QTMAN: variants seen among roughly 807,000 people sequenced by gnomAD.
The protein encoded by QTMAN is tRNA-queuosine alpha-mannosyltransferase.
the QTMAN span, among the ~76,000 whole-genome samples, chr2:144,218,547 A>G: frequency 6.6e-6 from 1 of 152,218 alleles, no homozygotes; most frequent in Non-Finnish European, 1.5e-5. Flanking sequence ...TACACACCAA[A>G]TGAGTTTAAA....
At chr2:144,310,030 A>G in the QTMAN span, among the ~76,000 whole-genome samples, 1 of 41,466 alleles carries the variant, frequency 2.4e-5, no homozygotes, top group African/African-American at 9.6e-5. Context: ...GGTCATAAAA[A>G]GTAAAGCAAA....
chr2:144,209,727 T>C, the QTMAN span, among the ~76,000 whole-genome samples: 7 of 152,214 alleles, frequency 4.6e-5, no homozygotes, highest in Non-Finnish European at 1.0e-4. Context: ...CATCTCAAAT[T>C]ATATGTTATT....
chr2:144,187,968 A>C, the QTMAN span, among the ~76,000 whole-genome samples: 1 of 152,180 alleles, frequency 6.6e-6, no homozygotes, highest in Non-Finnish European at 1.5e-5. Flanking sequence ...ACAGAGGTAG[A>C]GACTGGAGTG....
the QTMAN span, among the ~76,000 whole-genome samples, chr2:144,224,940 G>C: frequency 1.3e-5 from 2 of 152,088 alleles, no homozygotes; most frequent in Non-Finnish European, 2.9e-5. Context: ...GTCTCAAAGA[G>C]GGACCAATAG....
chr2:144,294,243 C>A, the QTMAN span: 1 of 152,158 alleles, frequency 6.6e-6, no homozygotes, highest in African/African-American at 2.4e-5. Context: ...AGTGTTCACT[C>A]TGAACTCTTT....
At chr2:144,020,026 T>C in the QTMAN span, among the ~76,000 whole-genome samples, 2 of 152,186 alleles carry the variant, frequency 1.3e-5, no homozygotes, top group Non-Finnish European at 2.9e-5. Context: ...CTGATATGAA[T>C]GGACAGCCAG....
At chr2:144,141,048 GGA>G in the QTMAN span, among the ~76,000 whole-genome samples, 3 of 151,998 alleles carry the variant, frequency 2.0e-5, no homozygotes, top group Admixed American at 1.3e-4. Context: ...TAGCATGTAT[GGA>G]TATTAAATCA....
the QTMAN span, among the ~76,000 whole-genome samples, chr2:144,198,703 A>G: frequency 6.6e-6 from 1 of 152,162 alleles, no homozygotes; most frequent in African/African-American, 2.4e-5. Context: ...GTATCGCACA[A>G]AAGAGTCCAG....
the QTMAN span, among the ~76,000 whole-genome samples, chr2:144,143,219 A>G: frequency 6.6e-6 from 1 of 151,998 alleles, no homozygotes. Flanking sequence ...TAATGGGTTT[A>G]CCAGGCTGTA....
the QTMAN span, among the ~76,000 whole-genome samples, chr2:144,265,667 G>A: frequency 6.6e-6 from 1 of 152,140 alleles, no homozygotes; most frequent in Non-Finnish European, 1.5e-5. Context: ...TTGCACTCCA[G>A]CCTGGCAACA....
At chr2:144,088,301 C>T in the QTMAN span, among the ~76,000 whole-genome samples, 92 of 151,980 alleles carry the variant, frequency 6.1e-4, no homozygotes, top group African/African-American at 2.1e-3. Context: ...CTACAAAACA[C>T]TGATAAAAGA....
At chr2:144,118,225 T>C in the QTMAN span, among the ~76,000 whole-genome samples, 1 of 152,194 alleles carries the variant, frequency 6.6e-6, no homozygotes, top group Non-Finnish European at 1.5e-5. Flanking sequence ...TCTTTCAACA[T>C]TTGTATCAGC....
the QTMAN span, among the ~76,000 whole-genome samples, chr2:144,217,255 G>A: frequency 7.2e-5 from 11 of 151,892 alleles, no homozygotes; most frequent in East Asian, 1.9e-4. Context: ...AAAGAATATC[G>A]GCATCATAGA....
the QTMAN span, among the ~76,000 whole-genome samples, chr2:144,116,836 T>C: frequency 1.3e-5 from 2 of 152,206 alleles, no homozygotes; most frequent in African/African-American, 4.8e-5. Context: ...AACTGTAGTT[T>C]AGAGCAGCGA....
At chr2:144,103,659 A>G in the QTMAN span, among the ~76,000 whole-genome samples, 14 of 152,326 alleles carry the variant, frequency 9.2e-5, no homozygotes, top group African/African-American at 3.4e-4. Flanking sequence ...AATAAAACAA[A>G]ATAAAATAAA....
chr2:144,130,603 C>T, the QTMAN span, among the ~76,000 whole-genome samples: 1 of 151,834 alleles, frequency 6.6e-6, no homozygotes, highest in Non-Finnish European at 1.5e-5. Context: ...ATAATAACAA[C>T]AATCATTTAT....
At chr2:144,311,448 G>A in the QTMAN span, among the ~76,000 whole-genome samples, 1 of 152,156 alleles carries the variant, frequency 6.6e-6, no homozygotes, top group Non-Finnish European at 1.5e-5. Context: ...GCTCATAAAG[G>A]AAGACACATT....
chr2:144,060,692 T>C, the QTMAN span, among the ~76,000 whole-genome samples: 1 of 152,230 alleles, frequency 6.6e-6, no homozygotes. Context: ...GGCTATAATT[T>C]TTACATCATT....
At chr2:144,055,334 G>GACAC in the QTMAN span, among the ~76,000 whole-genome samples, 2,373 of 132,832 alleles carry the variant, frequency 0.018, 30 homozygotes, top group East Asian at 0.048. Context: ...CAGACACACA[G>GACAC]ACACACACAC....
Sources: gnomAD v4.1 joint callset for allele counts (sites outside exome capture counted in the v4.1 genomes callset) on GRCh38, gnomAD v4.1.1 for gene constraint, MANE v1.5 for transcripts, NCBI Gene and HGNC (gene_info 2026-07-23, HGNC 2026-07-21) for gene names.